The following ACOT1 variants were observed in gnomAD, a reference collection of about 807,000 sequenced individuals.
ACOT1 encodes the protein acyl-CoA thioesterase 1, also known as acyl-coenzyme A thioesterase 1.
ACOT1 carries 8 observed loss-of-function variants against 15.7 expected under a neutral mutation model. The observed-to-expected ratio is 0.51, with a 90% confidence interval of 0.30 to 0.92. ACOT1 has a LOEUF of 0.92. ACOT1 is among the 40% of genes least tolerant of loss of function. ACOT1 has a pLI of 0.06. For missense variants in ACOT1, 151 were observed against 539.4 expected (o/e 0.28, Z 7.13); for synonymous variants, 67 against 241.2 (o/e 0.28, Z 6.69).
At chr14:73,494,156 G>A in the ACOT1 span, among the ~76,000 whole-genome samples, 1 of 152,134 alleles carries the variant, frequency 6.6e-6, no homozygotes, top group Admixed American at 6.6e-5. Context: ...CTGGCAGTTC[G>A]AAGAAACTTC....
chr14:73,522,389 T>A, the ACOT1 span: 1 of 1,614,220 alleles, frequency 6.2e-7, no homozygotes, highest in Non-Finnish European at 8.5e-7. Context: ...GAGCTCCAGG[T>A]CACTGGCAGA....
At chr14:73,512,406 G>A in the ACOT1 span, among the ~76,000 whole-genome samples, 8 of 151,996 alleles carry the variant, frequency 5.3e-5, no homozygotes, top group Non-Finnish European at 8.8e-5. Flanking sequence ...ATCACTTTTC[G>A]TTGTAACCAT....
chr14:73,509,584 T>C, the ACOT1 span: 2 of 1,005,794 alleles, frequency 2.0e-6, no homozygotes, highest in Non-Finnish European at 3.0e-6. Flanking sequence ...TGCAGTTGCT[T>C]AGTGCTATGT....
chr14:73,491,936 A>T, the ACOT1 span: 1 of 1,613,486 alleles, frequency 6.2e-7, no homozygotes, highest in Non-Finnish European at 8.5e-7. Context: ...TTTCTCTACT[A>T]CTGTGTGGCA....
At chr14:73,502,964 T>TC in the ACOT1 span, 1 of 1,614,120 alleles carries the variant, frequency 6.2e-7, no homozygotes, top group Non-Finnish European at 8.5e-7. Context: ...TCTCCTCACT[T>TC]CCTTATTCCA....
At chr14:73,501,916 T>G in the ACOT1 span, among the ~76,000 whole-genome samples, 5 of 151,482 alleles carry the variant, frequency 3.3e-5, no homozygotes, top group East Asian at 9.7e-4. Flanking sequence ...ACCACGCCCT[T>G]TTGTATTTTT....
chr14:73,499,055 A>C, the ACOT1 span: 1 of 1,610,478 alleles, frequency 6.2e-7, no homozygotes. Flanking sequence ...AGTTTGGGGC[A>C]CTACTTCTAT....
the ACOT1 span, chr14:73,514,088 A>T: frequency 1.2e-6 from 2 of 1,614,078 alleles, no homozygotes; most frequent in Non-Finnish European, 1.7e-6. Flanking sequence ...ACCAGTTCCC[A>T]GGTCACATCC....
chr14:73,514,290 AC>A, the ACOT1 span: 2 of 1,496,406 alleles, frequency 1.3e-6, no homozygotes. Context: ...GCCCTGCCAC[AC>A]AGTGGCCCCA....
chr14:73,520,549 G>T, the ACOT1 span: 2 of 262,418 alleles, frequency 7.6e-6, no homozygotes, highest in Non-Finnish European at 1.4e-5. Flanking sequence ...AAGGGAGAAG[G>T]GTAGATAGAG....
At chr14:73,502,668 C>T in the ACOT1 span, among the ~76,000 whole-genome samples, 4 of 152,150 alleles carry the variant, frequency 2.6e-5, no homozygotes, top group African/African-American at 9.7e-5. Flanking sequence ...CTGTCTCAGC[C>T]TCCCGAGTAG....
At chr14:73,525,546 G>A in the ACOT1 span, among the ~76,000 whole-genome samples, 1 of 152,190 alleles carries the variant, frequency 6.6e-6, no homozygotes, top group Non-Finnish European at 1.5e-5. Context: ...TCCTGAAACA[G>A]TGGCTACTCC....
At chr14:73,523,244 A>G in the ACOT1 span, 2 of 1,241,144 alleles carry the variant, frequency 1.6e-6, no homozygotes, top group Non-Finnish European at 2.2e-6. Flanking sequence ...GAATGGGAGG[A>G]ACTGATGAGA....
the ACOT1 span, chr14:73,509,302 AG>A: frequency 1.2e-6 from 2 of 1,611,526 alleles, no homozygotes; most frequent in East Asian, 4.5e-5. Context: ...AGTAACAGGG[AG>A]TTACTCACCC....
the ACOT1 span, chr14:73,509,303 G>A: frequency 6.2e-7 from 1 of 1,613,442 alleles, no homozygotes; most frequent in Non-Finnish European, 8.5e-7. Context: ...GTAACAGGGA[G>A]TTACTCACCC....
the ACOT1 span, among the ~76,000 whole-genome samples, chr14:73,525,813 C>T: frequency 1.3e-5 from 2 of 152,030 alleles, no homozygotes; most frequent in African/African-American, 4.8e-5. Flanking sequence ...ATTAGCTGGG[C>T]GTGGTGGTGG....
At chr14:73,506,413 T>C in the ACOT1 span, 1 of 1,321,854 alleles carries the variant, frequency 7.6e-7, no homozygotes, top group Non-Finnish European at 1.1e-6. Context: ...AGAAGGCCTC[T>C]GTAGCTCAGC....
chr14:73,509,843 TA>T, the ACOT1 span, among the ~76,000 whole-genome samples: 1 of 84,386 alleles, frequency 1.2e-5, no homozygotes, highest in Non-Finnish European at 2.6e-5. Flanking sequence ...TATATATATA[TA>T]TATATATATA....
chr14:73,494,008 C>T, the ACOT1 span, among the ~76,000 whole-genome samples: 1 of 152,216 alleles, frequency 6.6e-6, no homozygotes, highest in African/African-American at 2.4e-5. Flanking sequence ...TGTTTGCTTA[C>T]ATCCATGGCT....
Sources: gnomAD v4.1 joint callset for allele counts (sites outside exome capture counted in the v4.1 genomes callset) on GRCh38, gnomAD v4.1.1 for gene constraint, MANE v1.5 for transcripts, NCBI Gene and HGNC (gene_info 2026-07-23, HGNC 2026-07-21) for gene names.